Variants in FBXO42 observed in about 807,000 individuals in gnomAD.
FBXO42 encodes F-box only protein 42.
Under a neutral mutation model 71.7 loss-of-function variants are expected in FBXO42, and 12 were observed. The ratio of observed to expected loss-of-function variants is 0.17; its 90% CI spans 0.11 to 0.27. The LOEUF is 0.27. Among genes scored for constraint, FBXO42 ranks in the 10% least tolerant of loss-of-function variants. The pLI is 1.00. For missense variants in FBXO42, 707 were observed against 911.9 expected (o/e 0.78, Z 2.89); for synonymous variants, 325 against 327.5 (o/e 0.99, Z 0.08).
chr1:16,260,407 C>T (rs2081698485), intron 4 of FBXO42, among the ~76,000 whole-genome samples: 1 of 152,072 alleles, frequency 6.6e-6, no homozygotes, highest in Non-Finnish European at 1.5e-5. Flanking sequence ...CGGGGTTTCA[C>T]CATGTTGCCC....
intron 4 of FBXO42, 27 bp downstream of exon 4, chr1:16,294,756 G>T (rs757273012): frequency 6.2e-7 from 1 of 1,610,160 alleles, no homozygotes; most frequent in East Asian, 2.2e-5. Context: ...CTGGTAAGGA[G>T]GCAAAGATCA....
intron 2 of FBXO42, among the ~76,000 whole-genome samples, chr1:16,306,133 T>C (rs1471851236): frequency 6.6e-6 from 1 of 151,966 alleles, no homozygotes; most frequent in East Asian, 1.9e-4. Context: ...GTGATTCTCC[T>C]GCTTCAGCCT....
chr1:16,343,830 T>C (rs945127565), intron 1 of FBXO42, among the ~76,000 whole-genome samples: 1 of 150,232 alleles, frequency 6.7e-6, no homozygotes, highest in Non-Finnish European at 1.5e-5. Flanking sequence ...AAAAAAAATA[T>C]TGGCCAGGTG....
Position 16,251,922 on chromosome 1 carries a change from A to G in FBXO42, c.1039-137T>C. On this transcript the variant is annotated intron_variant, in intron 9 of 9. Transcript: ENST00000375592. This position sits in a 1 kb window ranked among gnomAD's most constrained non-coding sequence, Gnocchi z 4.5. ...TGAGATATGAAGATGAAAATGATGT[A>G]GTCTGCCCTCTAGGCTAGAAGTCAG... is the stretch of plus-strand genomic sequence containing the variant. 8.8e-7 allele frequency: 1 copy of G among 1,138,830 alleles called. No individual in the cohort carries two copies. The highest frequency in any genetic ancestry group is 1.2e-6 in the Non-Finnish European group (1 of 819,850). 70.5% of individuals were successfully genotyped at this position (1,138,830 alleles called of 1,614,324 possible). A position where few individuals can be genotyped will look rare whatever the true frequency, so the allele number is the denominator to read the frequency against.
intron 1 of FBXO42, among the ~76,000 whole-genome samples, chr1:16,350,367 C>T (rs2100652367): frequency 6.6e-6 from 1 of 152,050 alleles, no homozygotes; most frequent in Admixed American, 6.6e-5. Context: ...TTTTCTACCA[C>T]AGAGAAGCTG....
intron 2 of FBXO42, among the ~76,000 whole-genome samples, chr1:16,312,162 C>A (rs2082319147): frequency 6.6e-6 from 1 of 152,028 alleles, no homozygotes; most frequent in Admixed American, 6.6e-5. Context: ...AGTTTCACAC[C>A]AGTCTAGGTA....
chr1:16,312,721 T>C lies in FBXO42; in HGVS notation c.250+2448A>G, dbSNP rs1019751854. ...ATCAATTTTAACACATGTACCACTC[T>C]GGTGGGGGATGTTGATAATGGGAGA... On this transcript the variant is annotated intron_variant, in intron 2 of 9. Transcript: ENST00000375592. Among the ~76,000 whole-genome samples, 29 of 152,128 alleles carry C rather than the reference T, an allele frequency of 1.9e-4. 1 individual carries two copies. The highest frequency in any genetic ancestry group is 1.6e-3 in the Admixed American group (24 of 15,254).
intron 1 of FBXO42, among the ~76,000 whole-genome samples, chr1:16,342,831 TAGTG>T (rs1190464674): frequency 1.3e-5 from 2 of 152,022 alleles, no homozygotes; most frequent in Non-Finnish European, 2.9e-5. Flanking sequence ...GTTCTCCTGG[TAGTG>T]AGTGAGTTCT....
intron 3 of FBXO42, among the ~76,000 whole-genome samples, chr1:16,301,589 G>T (rs2082195112): frequency 6.6e-6 from 1 of 151,098 alleles, no homozygotes; most frequent in African/African-American, 2.4e-5. Context: ...CTTAAATCTG[G>T]GAGGCAGAGG....
chr1:16,282,049 G>A (rs1192841304), intron 4 of FBXO42, among the ~76,000 whole-genome samples: 4 of 151,850 alleles, frequency 2.6e-5, no homozygotes, highest in African/African-American at 9.7e-5. Flanking sequence ...GAGTGGCTAT[G>A]TTGCTTCCTA....
intron 2 of FBXO42, among the ~76,000 whole-genome samples, chr1:16,312,484 T>TA (rs1011705043): frequency 4.6e-5 from 7 of 152,096 alleles, no homozygotes; most frequent in Non-Finnish European, 7.4e-5. Flanking sequence ...ATGGAGACAG[T>TA]AAAAAAATCA....
At chr1:16,286,902 C>A (rs2100514661) in intron 4 of FBXO42, among the ~76,000 whole-genome samples, 1 of 152,296 alleles carries the variant, frequency 6.6e-6, no homozygotes, top group African/African-American at 2.4e-5. Flanking sequence ...ATCCCTTTGG[C>A]TCTATCAAAT....
At chr1:16,282,473 G>A (rs1202000049) in intron 4 of FBXO42, among the ~76,000 whole-genome samples, 16 of 149,740 alleles carry the variant, frequency 1.1e-4, no homozygotes, top group South Asian at 2.1e-4. Flanking sequence ...TGATCCACCC[G>A]CCTCGGCCTC....
chr1:16,333,254 A>G (rs539543589), intron 1 of FBXO42, among the ~76,000 whole-genome samples: 1 of 152,268 alleles, frequency 6.6e-6, no homozygotes, highest in African/African-American at 2.4e-5. Flanking sequence ...AATACTAGAG[A>G]TAGTTTCTAC....
In FBXO42 at chr1:16,352,297, G is replaced by A. The variant is rs2082709739; in HGVS notation, c.-60C>T. 1.0e-5 allele frequency: 4 copies of A among 397,108 alleles called. No homozygotes were observed. The highest frequency in any genetic ancestry group is 1.8e-5 in the Non-Finnish European group (4 of 225,164). The allele number at this position is 397,108 out of a possible 1,614,324, so 24.6% of individuals were successfully genotyped here. On this transcript the variant is annotated 5_prime_UTR_variant, in exon 1 of 10. Transcript: ENST00000375592. ...ACGCTCTCGGGTTCGCTCCGCTGGCGACGGTAATGAGGGAGCCAGGGACAG... is the reference window on the plus strand; with the variant it reads ...ACGCTCTCGGGTTCGCTCCGCTGGCAACGGTAATGAGGGAGCCAGGGACAG...
chr1:16,249,656 T>C lies in FBXO42; in HGVS notation c.*1014A>G. ...ATATTGGCATCTTAGAATTCCCTAC[T>C]GGCCCCCTAGTGACACCAGGGAAAG... On this transcript the variant is annotated 3_prime_UTR_variant, in exon 10 of 10. Coordinates refer to ENST00000375592, the MANE Select transcript of FBXO42 (RefSeq NM_018994.3). 1 of 152,174 alleles carries C rather than the reference T, an allele frequency of 6.6e-6. No individual in the cohort carries two copies. Among genetic ancestry groups the C allele is most frequent in the East Asian group, 1.9e-4 (1 of 5,198 alleles). 9.4% of individuals were successfully genotyped at this position (152,174 alleles called of 1,614,324 possible).
intron 6 of FBXO42, among the ~76,000 whole-genome samples, chr1:16,254,419 A>C (rs2081619430): frequency 6.6e-6 from 1 of 152,232 alleles, no homozygotes; most frequent in Non-Finnish European, 1.5e-5. Flanking sequence ...TTGCACAATG[A>C]CTAATGAAAG....
At chr1:16,320,188 C>T (rs559336696) in intron 1 of FBXO42, among the ~76,000 whole-genome samples, 59 of 151,806 alleles carry the variant, frequency 3.9e-4, no homozygotes, top group Non-Finnish European at 6.6e-4. Context: ...GGTGAAACCC[C>T]GTCTCTACTA....
chr1:16,343,578 C>G (rs1422037345), intron 1 of FBXO42, among the ~76,000 whole-genome samples: 1 of 152,022 alleles, frequency 6.6e-6, no homozygotes, highest in Non-Finnish European at 1.5e-5. Flanking sequence ...ATTCCCAGCA[C>G]TTTGGGAGGC....
Sources: gnomAD v4.1 joint callset for allele counts (sites outside exome capture counted in the v4.1 genomes callset) on GRCh38, gnomAD v4.1.1 for gene constraint, Gnocchi (gnomAD v3.1) non-coding constraint, MANE v1.5 for transcripts, NCBI Gene and HGNC (gene_info 2026-07-23, HGNC 2026-07-21) for gene names.